Variants in COL6A6 observed in about 807,000 individuals in gnomAD.
The protein encoded by COL6A6 is collagen type VI alpha 6 chain, also known as collagen alpha-6(VI) chain.
Under a neutral mutation model 208.6 loss-of-function variants are expected in COL6A6, and 183 were observed. The ratio of observed to expected loss-of-function variants is 0.88; its 90% CI spans 0.78 to 0.99. The LOEUF (loss-of-function observed/expected upper bound fraction) is 0.99. Among genes scored for constraint, COL6A6 ranks in the 50% least tolerant of loss-of-function variants. The pLI, the probability that COL6A6 is intolerant of heterozygous loss-of-function variation, is 0.00. For synonymous variants in COL6A6, 973 were observed against 1,011.8 expected (o/e 0.96, Z 0.73); for missense variants, 2,816 against 2,815.2 (o/e 1.00, Z -0.01).
chr3:130,613,798 C>G (rs988654002), intron 23 of COL6A6, among the ~76,000 whole-genome samples: 1 of 151,982 alleles, frequency 6.6e-6, no homozygotes, highest in Admixed American at 6.6e-5. Flanking sequence ...GATTGCATTC[C>G]TGATTTGGCT....
Position 130,642,810 on chromosome 3 carries a change from A to T in COL6A6, c.5155-22A>T, listed in dbSNP as rs775636807. On this transcript the variant is annotated intron_variant, in intron 29 of 36. Transcript: ENST00000358511. Reference sequence around the variant, plus strand: ...TGTGTATGTCTAGAGGCATTAAAACAATGTTTTGTTTGTTTTCCTAGGGTG... The same window carrying T: ...TGTGTATGTCTAGAGGCATTAAAACTATGTTTTGTTTGTTTTCCTAGGGTG... The T allele has an allele frequency of 8.1e-6, 13 of 1,612,062 alleles. No homozygotes were observed. In the African/African-American group the frequency reaches 1.1e-4, roughly 13 times the overall value.
rs1018378649 is a variant in COL6A6, at chr3:130,666,922, C to CA, written c.6596+1830dup. On this transcript the variant is annotated intron_variant, in intron 36 of 36. Transcript: ENST00000358511. Reference sequence around the variant, plus strand: ...TATGGGGAAATGCAGGACACCAAGACAAAAGCAGCCAAAAAGAAAGGGCAG... The same window carrying CA: ...TATGGGGAAATGCAGGACACCAAGACAAAAAGCAGCCAAAAAGAAAGGGCAG... 2.0e-5 allele frequency among the ~76,000 whole-genome samples: 3 copies of CA among 152,034 alleles called. No homozygotes were observed. The East Asian group carries it at 5.8e-4, about 29-fold the overall frequency.
At chr3:130,520,430 G>T (rs1258564493) in intron 1 of COL6A6, among the ~76,000 whole-genome samples, 4 of 152,076 alleles carry the variant, frequency 2.6e-5, no homozygotes, top group Non-Finnish European at 4.4e-5. Context: ...TCCAAAACTG[G>T]TTTTTTCTTG....
rs2107897306 is a variant in COL6A6, at chr3:130,566,754, G to A, written c.1335G>A (p.Gly445=). The change falls in exon 5 of 37, where the codon GGG becomes GGA. Residue 445 remains glycine (G), a synonymous_variant. Transcript: ENST00000358511. ...ADIYLLIDGS[G]STQATDFHEM... ...TCTATCTGCTTATCGATGGCTCAGG[G>A]AGCACCCAGGCCACAGATTTCCATG... 5.0e-6 allele frequency: 8 copies of A among 1,613,936 alleles called. No individual in the cohort carries two copies. In the East Asian group the frequency reaches 1.8e-4, roughly 36 times the overall value.
At chr3:130,564,121 T>TTA (rs1491210195) in intron 3 of COL6A6, among the ~76,000 whole-genome samples, 1 of 152,174 alleles carries the variant, frequency 6.6e-6, no homozygotes, top group Non-Finnish European at 1.5e-5. Flanking sequence ...AAAAAAGAAC[T>TTA]TATATATATC....
intron 8 of COL6A6, among the ~76,000 whole-genome samples, chr3:130,579,411 G>A (rs1479494168): frequency 1.3e-5 from 2 of 152,094 alleles, no homozygotes. Flanking sequence ...AAGTAGTTTG[G>A]CAGTAACAGA....
At chr3:130,625,593 C>G (rs1245514722) in intron 24 of COL6A6, among the ~76,000 whole-genome samples, 1 of 152,162 alleles carries the variant, frequency 6.6e-6, no homozygotes, top group Non-Finnish European at 1.5e-5. Context: ...GGGGGACTTT[C>G]TACAGACTGC....
At chr3:130,609,994 A>G (rs1248132329) in intron 22 of COL6A6, among the ~76,000 whole-genome samples, 1 of 143,390 alleles carries the variant, frequency 7.0e-6, no homozygotes, top group Non-Finnish European at 1.5e-5. Flanking sequence ...AGCGAGAAAT[A>G]GTTGCCACTG....
At chr3:130,589,368 T>C (rs756584016) in intron 12 of COL6A6, among the ~76,000 whole-genome samples, 186 bp downstream of exon 12, 13 of 152,208 alleles carry the variant, frequency 8.5e-5, no homozygotes, top group Non-Finnish European at 1.8e-4. Context: ...ATTGGAGTCT[T>C]TTTTAAAAGT....
At chr3:130,621,708 A>G in intron 23 of COL6A6, 113 bp from the exon 24 acceptor site, 1 of 779,252 alleles carries the variant, frequency 1.3e-6, no homozygotes, top group Non-Finnish European at 2.1e-6. Context: ...AAGGATCGAT[A>G]CAGCCATAAC....
intron 26 of COL6A6, among the ~76,000 whole-genome samples, chr3:130,628,483 T>C (rs989937695): frequency 6.6e-6 from 1 of 152,198 alleles, no homozygotes; most frequent in Non-Finnish European, 1.5e-5. Flanking sequence ...TTCTGGGCAG[T>C]AAGATTTTGG....
At chr3:130,530,145 A>G (rs1479742662) in intron 1 of COL6A6, among the ~76,000 whole-genome samples, 1 of 152,232 alleles carries the variant, frequency 6.6e-6, no homozygotes, top group Non-Finnish European at 1.5e-5. Context: ...TGGACTCTGA[A>G]GCCAGACTGC....
chr3:130,518,327 T>C (rs1407864774), intron 1 of COL6A6, among the ~76,000 whole-genome samples: 1 of 152,188 alleles, frequency 6.6e-6, no homozygotes, highest in Non-Finnish European at 1.5e-5. Context: ...GTCATGTTAC[T>C]TTTTCTAAAC....
Position 130,660,619 on chromosome 3 carries a change from T to G in COL6A6, c.5831-1018T>G, listed in dbSNP as rs146098387. ...CAAAATGTCAGCCCTGAAAGGGGTC[T>G]GTAGGTGAGCCTGGTCCTACCACCT... On this transcript the variant is annotated intron_variant, in intron 34 of 36. Transcript: ENST00000358511. Among the ~76,000 whole-genome samples the G allele has an allele frequency of 7.1e-4, 108 of 152,360 alleles. 2 individuals carry two copies. Among genetic ancestry groups the G allele is most frequent in the Middle Eastern group, 3.4e-3 (1 of 294 alleles).
In COL6A6 at chr3:130,592,568, G is replaced by T. The variant is rs140872639; in HGVS notation, c.4300G>T (p.Gly1434Ter). 3.5e-4 allele frequency: 559 copies of T among 1,610,832 alleles called. 2 individuals carry two copies. The African/African-American group carries it at 5.9e-3, about 17-fold the overall frequency. ...AGAAAGAGGAGCCCCTGGACCAGTGGGAGAGCAAGGTACTAAGGGATGCTA... is the reference window on the plus strand; with the variant it reads ...AGAAAGAGGAGCCCCTGGACCAGTGTGAGAGCAAGGTACTAAGGGATGCTA... ...AGERGAPGPVGEQGTKGCYGT... is the reference protein window; with the variant it reads ...AGERGAPGPV The change falls in exon 14 of 37, where the codon GGA (glycine) becomes TGA (stop). Residue 1434 changes from glycine (G) to a stop codon, truncating the protein, a stop_gained. Transcript: ENST00000358511. LOFTEE classifies it high-confidence loss of function.
chr3:130,560,891 ATC>A (rs2062866888), intron 2 of COL6A6, among the ~76,000 whole-genome samples: 1 of 151,136 alleles, frequency 6.6e-6, no homozygotes, highest in South Asian at 2.1e-4. Flanking sequence ...TCTGTTGGCA[ATC>A]TCTGTCCTGT....
intron 23 of COL6A6, 65 bp from the exon 24 acceptor site, chr3:130,621,756 C>A: frequency 5.8e-6 from 8 of 1,372,566 alleles, no homozygotes; most frequent in Non-Finnish European, 8.3e-6. Context: ...TCTTATAAGA[C>A]AGAGGGTTTG....
intron 4 of COL6A6, 84 bp from the exon 5 acceptor site, chr3:130,566,618 C>T (rs2063028465): frequency 4.4e-6 from 5 of 1,139,306 alleles, no homozygotes; most frequent in Non-Finnish European, 6.1e-6. Context: ...TGAAGAGGTT[C>T]ATATTTGTTC....
chr3:130,626,806 A>G (rs764236614), intron 25 of COL6A6, among the ~76,000 whole-genome samples: 3 of 152,148 alleles, frequency 2.0e-5, no homozygotes, highest in Non-Finnish European at 2.9e-5. Context: ...GTCTTCAGCA[A>G]TCCCGTAACC....
Sources: gnomAD v4.1 joint callset for allele counts (sites outside exome capture counted in the v4.1 genomes callset) on GRCh38, gnomAD v4.1.1 for gene constraint, MANE v1.5 for transcripts, NCBI Gene and HGNC (gene_info 2026-07-23, HGNC 2026-07-21) for gene names.